Variants in CACNA2D3 observed in about 807,000 individuals in gnomAD.
The protein encoded by CACNA2D3 is voltage-dependent calcium channel subunit alpha-2/delta-3.
Under a neutral mutation model 160.6 loss-of-function variants are expected in CACNA2D3, and 60 were observed. That is an observed-to-expected ratio of 0.37 (90% CI 0.30 to 0.46). The LOEUF is 0.46. CACNA2D3 is among the 20% of genes least tolerant of loss of function. CACNA2D3 has a pLI of 1.00. For missense variants in CACNA2D3, 1,205 were observed against 1,365.0 expected (o/e 0.88, Z 1.85); for synonymous variants, 558 against 492.9 (o/e 1.13, Z -1.75).
At chr3:54,715,930 G>A (rs890228160) in intron 11 of CACNA2D3, among the ~76,000 whole-genome samples, 4 of 152,120 alleles carry the variant, frequency 2.6e-5, no homozygotes, top group Non-Finnish European at 5.9e-5. Flanking sequence ...GTTGATCAGG[G>A]TACAAACTTG....
At chr3:54,572,938 A>G (rs931233992) in intron 8 of CACNA2D3, among the ~76,000 whole-genome samples, 1 of 152,246 alleles carries the variant, frequency 6.6e-6, no homozygotes, top group Admixed American at 6.5e-5. Context: ...CGATTGAAAT[A>G]ATCTATGTAA....
intron 4 of CACNA2D3, among the ~76,000 whole-genome samples, chr3:54,421,973 GT>G (rs1338654691): frequency 1.3e-5 from 2 of 151,968 alleles, no homozygotes; most frequent in Non-Finnish European, 2.9e-5. Context: ...CATTGTCCTT[GT>G]TCTTATAATT....
At chr3:54,706,116 A>G (rs1488017808) in intron 11 of CACNA2D3, among the ~76,000 whole-genome samples, 1 of 152,208 alleles carries the variant, frequency 6.6e-6, no homozygotes, top group Non-Finnish European at 1.5e-5. Context: ...TGGATCCAGC[A>G]TTCCTTTGAC....
chr3:54,836,140 T>C (rs941278388), intron 14 of CACNA2D3, among the ~76,000 whole-genome samples: 3 of 151,900 alleles, frequency 2.0e-5, no homozygotes, highest in Non-Finnish European at 4.4e-5. Flanking sequence ...GGTGCAATGG[T>C]GTGTCTCCAT....
chr3:54,278,854 G>A (rs1044457608), intron 2 of CACNA2D3, among the ~76,000 whole-genome samples: 1 of 152,124 alleles, frequency 6.6e-6, no homozygotes, highest in Non-Finnish European at 1.5e-5. Context: ...GGCAAGGGGA[G>A]GGATAGCATT....
intron 14 of CACNA2D3, among the ~76,000 whole-genome samples, chr3:54,831,979 T>G (rs1314176482): frequency 6.8e-6 from 1 of 146,048 alleles, no homozygotes; most frequent in Non-Finnish European, 1.5e-5. Flanking sequence ...CTCTTTTTTT[T>G]CCTCCCTCCC....
chr3:54,853,360 G>A (rs1699100972), intron 17 of CACNA2D3, among the ~76,000 whole-genome samples: 1 of 152,226 alleles, frequency 6.6e-6, no homozygotes. Flanking sequence ...TTTGAGTGAT[G>A]CTGATGGTTG....
chr3:54,185,039 T>A (rs2107327763), intron 2 of CACNA2D3, among the ~76,000 whole-genome samples: 1 of 152,334 alleles, frequency 6.6e-6, no homozygotes, highest in South Asian at 2.1e-4. Flanking sequence ...GGGGTTTGTG[T>A]ATGTTTCCTG....
At chr3:54,733,145 C>G (rs918191523) in intron 11 of CACNA2D3, among the ~76,000 whole-genome samples, 4 of 152,200 alleles carry the variant, frequency 2.6e-5, no homozygotes, top group African/African-American at 9.6e-5. Flanking sequence ...TGGGTTAACC[C>G]AAGTGTTGAA....
chr3:54,653,128 A>G (rs984216372), intron 11 of CACNA2D3, among the ~76,000 whole-genome samples: 5 of 152,118 alleles, frequency 3.3e-5, no homozygotes, highest in African/African-American at 1.2e-4. Flanking sequence ...CTGTTTTCAG[A>G]AGGGCTCTCT....
chr3:54,867,293 G>A (rs1288159263), intron 17 of CACNA2D3, among the ~76,000 whole-genome samples: 2 of 152,038 alleles, frequency 1.3e-5, no homozygotes, highest in African/African-American at 4.8e-5. Flanking sequence ...GGGGCGAGGG[G>A]GAGTAGGCAA....
At chr3:54,500,865 A>T (rs1322187689) in intron 4 of CACNA2D3, among the ~76,000 whole-genome samples, 1 of 152,222 alleles carries the variant, frequency 6.6e-6, no homozygotes, top group Non-Finnish European at 1.5e-5. Context: ...CTACAACAGA[A>T]TACCTGAGAC....
At chr3:54,494,233 T>C (rs1701167526) in intron 4 of CACNA2D3, among the ~76,000 whole-genome samples, 1 of 152,226 alleles carries the variant, frequency 6.6e-6, no homozygotes. Flanking sequence ...ACAAAACCAC[T>C]GAGCCTCATA....
chr3:54,418,495 CA>C (rs1176600143), intron 4 of CACNA2D3, among the ~76,000 whole-genome samples: 1 of 151,076 alleles, frequency 6.6e-6, no homozygotes, highest in East Asian at 2.0e-4. Context: ...AGCCACAACA[CA>C]GCTTTTGTCT....
chr3:54,466,585 T>G (rs1700631075), intron 4 of CACNA2D3, among the ~76,000 whole-genome samples: 1 of 152,186 alleles, frequency 6.6e-6, no homozygotes, highest in Non-Finnish European at 1.5e-5. Context: ...GTGTTTATTT[T>G]TTTCAGGGGC....
chr3:54,459,193 C>G (rs1700454110), intron 4 of CACNA2D3, among the ~76,000 whole-genome samples: 1 of 151,918 alleles, frequency 6.6e-6, no homozygotes, highest in African/African-American at 2.4e-5. Context: ...TGGGTTGGTT[C>G]CAAGTCTTTG....
intron 3 of CACNA2D3, among the ~76,000 whole-genome samples, chr3:54,343,775 G>C (rs1408420891): frequency 2.6e-5 from 4 of 152,188 alleles, no homozygotes; most frequent in African/African-American, 7.2e-5. Context: ...ATTTAGAGAA[G>C]CCTTGAGCCA....
At chr3:54,557,506 T>G (rs1284594311) in intron 5 of CACNA2D3, among the ~76,000 whole-genome samples, 2 of 152,084 alleles carry the variant, frequency 1.3e-5, no homozygotes, top group African/African-American at 2.4e-5. Flanking sequence ...TAAGAAAAAA[T>G]AATTGTCTAA....
At chr3:54,685,464 GCC>G (rs1486143283) in intron 11 of CACNA2D3, among the ~76,000 whole-genome samples, 1 of 152,198 alleles carries the variant, frequency 6.6e-6, no homozygotes, top group Non-Finnish European at 1.5e-5. Context: ...GCTATAGTTT[GCC>G]AATCCCTGGA....
Sources: gnomAD v4.1 joint callset for allele counts (sites outside exome capture counted in the v4.1 genomes callset) on GRCh38, gnomAD v4.1.1 for gene constraint, MANE v1.5 for transcripts, NCBI Gene and HGNC (gene_info 2026-07-23, HGNC 2026-07-21) for gene names.